The following SNX29 variants were observed in gnomAD, a reference collection of about 807,000 sequenced individuals.
SNX29 encodes sorting nexin 29, also known as sorting nexin-29.
In SNX29, 78 loss-of-function variants were observed where a neutral mutation model predicts 102.1. The ratio of observed to expected loss-of-function variants is 0.76; its 90% CI spans 0.64 to 0.92. The LOEUF is 0.92. Ranked by LOEUF, SNX29 falls within the 40% of genes least tolerant of loss-of-function variation. The pLI, the probability that SNX29 is intolerant of heterozygous loss-of-function variation, is 0.00. For synonymous variants in SNX29, 580 were observed against 414.5 expected (o/e 1.40, Z -4.85); for missense variants, 1,280 against 1,061.7 (o/e 1.21, Z -2.86).
intron 19 of SNX29, among the ~76,000 whole-genome samples, chr16:12,494,826 T>C (rs2088732849): frequency 6.6e-6 from 1 of 152,248 alleles, no homozygotes; most frequent in African/African-American, 2.4e-5. Flanking sequence ...AGCTCTCCGC[T>C]GTGAGCTGGG....
At chr16:12,178,422 G>A (rs922829041) in intron 13 of SNX29, among the ~76,000 whole-genome samples, 2 of 152,152 alleles carry the variant, frequency 1.3e-5, no homozygotes, top group African/African-American at 4.8e-5. Flanking sequence ...CTGTTCCATG[G>A]AATGCAACCC....
At chr16:12,187,814 T>G (rs754427577) in intron 13 of SNX29, among the ~76,000 whole-genome samples, 49 of 152,264 alleles carry the variant, frequency 3.2e-4, no homozygotes, top group East Asian at 1.5e-3. Flanking sequence ...CCACACTGGC[T>G]TCCATGGAAG....
chr16:12,406,247 G>C (rs994766606), intron 18 of SNX29, among the ~76,000 whole-genome samples: 2 of 152,176 alleles, frequency 1.3e-5, no homozygotes, highest in African/African-American at 4.8e-5. Flanking sequence ...AATTTCCTGT[G>C]GGCTTCCTGG....
At chr16:12,395,067 C>T (rs866969996) in intron 16 of SNX29, among the ~76,000 whole-genome samples, 56 of 152,238 alleles carry the variant, frequency 3.7e-4, no homozygotes, top group African/African-American at 1.0e-3. Context: ...TTTTCTTCTA[C>T]GGCTTTGGCA....
chr16:12,000,122 A>G (rs966573048), intron 2 of SNX29, among the ~76,000 whole-genome samples: 2 of 151,992 alleles, frequency 1.3e-5, no homozygotes, highest in Admixed American at 1.3e-4. Flanking sequence ...GCTGTGATTG[A>G]TGTGATGCTG....
chr16:12,147,671 C>A (rs952167339), intron 13 of SNX29, among the ~76,000 whole-genome samples: 2 of 152,214 alleles, frequency 1.3e-5, no homozygotes, highest in East Asian at 1.9e-4. Flanking sequence ...CTCAGTTTAA[C>A]CCCCTTGACT....
chr16:12,332,159 C>G (rs2081308773), intron 15 of SNX29, among the ~76,000 whole-genome samples: 1 of 152,114 alleles, frequency 6.6e-6, no homozygotes, highest in Non-Finnish European at 1.5e-5. Context: ...TATCCTCATC[C>G]TAGAAGAAAA....
chr16:12,114,267 C>T (rs773144727), intron 11 of SNX29, among the ~76,000 whole-genome samples: 11 of 152,208 alleles, frequency 7.2e-5, no homozygotes, highest in South Asian at 4.1e-4. Context: ...TGCAAGTAGG[C>T]GTCCCTGGAT....
At chr16:12,311,124 GA>G (rs1225273815) in intron 15 of SNX29, among the ~76,000 whole-genome samples, 2 of 152,216 alleles carry the variant, frequency 1.3e-5, no homozygotes, top group Admixed American at 6.5e-5. Context: ...CGATAGGGCA[GA>G]GCTGCATTGC....
At chr16:12,334,341 G>T (rs1447534013) in intron 15 of SNX29, among the ~76,000 whole-genome samples, 1 of 152,100 alleles carries the variant, frequency 6.6e-6, no homozygotes, top group Non-Finnish European at 1.5e-5. Context: ...TGAGGTCTGG[G>T]GCTTCGCTTT....
At chr16:12,310,775 G>C (rs1223103608) in intron 15 of SNX29, among the ~76,000 whole-genome samples, 2 of 152,218 alleles carry the variant, frequency 1.3e-5, no homozygotes, top group South Asian at 2.1e-4. Flanking sequence ...GCACTCTGCT[G>C]TCTGCTGGTT....
At chr16:12,133,348 T>G (rs1282967138) in intron 13 of SNX29, among the ~76,000 whole-genome samples, 1 of 143,364 alleles carries the variant, frequency 7.0e-6, no homozygotes, top group Non-Finnish European at 1.5e-5. Flanking sequence ...TGGAGTGCAG[T>G]GATGCGATCT....
intron 14 of SNX29, among the ~76,000 whole-genome samples, chr16:12,237,866 C>T (rs1007947447): frequency 6.6e-6 from 1 of 152,156 alleles, no homozygotes; most frequent in Non-Finnish European, 1.5e-5. Context: ...TGAGATCATG[C>T]CACTGCACTC....
At chr16:12,419,227 G>C (rs570213357) in intron 18 of SNX29, among the ~76,000 whole-genome samples, 58 of 152,150 alleles carry the variant, frequency 3.8e-4, no homozygotes, top group Non-Finnish European at 7.3e-4. Flanking sequence ...CCGAGGGCTG[G>C]TGGTAGGGGT....
chr16:12,460,401 T>C lies in SNX29; in HGVS notation c.2038-17318T>C, dbSNP rs1263652314. 2.0e-5 allele frequency among the ~76,000 whole-genome samples: 3 copies of C among 152,230 alleles called. No individual in the cohort carries two copies. The East Asian group carries it at 5.8e-4, about 29-fold the overall frequency. On this transcript the variant is annotated intron_variant, in intron 18 of 20. Coordinates refer to ENST00000566228, the MANE Select transcript of SNX29 (RefSeq NM_032167.5). ...ATTTCCTATTGTCAAGAACATTTTA[T>C]TTGGAAAGGTCTTAGTGTAACCAAA...
intron 19 of SNX29, among the ~76,000 whole-genome samples, chr16:12,515,248 C>T (rs1045998055): frequency 1.3e-5 from 2 of 152,098 alleles, no homozygotes; most frequent in African/African-American, 2.4e-5. Flanking sequence ...TTGTAATGAT[C>T]GCTTTGCATG....
intron 20 of SNX29, among the ~76,000 whole-genome samples, chr16:12,550,530 AC>A (rs1401476751): frequency 7.1e-5 from 8 of 112,828 alleles, no homozygotes; most frequent in Non-Finnish European, 1.0e-4. Flanking sequence ...GTCTCAATCT[AC>A]AAAAAAAAAA....
chr16:12,068,944 T>A, intron 9 of SNX29, 113 bp from the exon 10 acceptor site: 1 of 967,640 alleles, frequency 1.0e-6, no homozygotes, highest in Non-Finnish European at 1.6e-6. Flanking sequence ...TGGAGAAAAA[T>A]TTCTTAGTCA....
intron 20 of SNX29, among the ~76,000 whole-genome samples, chr16:12,566,995 G>C (rs1243088330): frequency 1.3e-5 from 2 of 152,222 alleles, no homozygotes; most frequent in Admixed American, 6.5e-5. Context: ...CCCTGGAAAG[G>C]TGCAACGCAA....
Sources: allele counts gnomAD v4.1 joint callset (sites outside exome capture counted in the v4.1 genomes callset), GRCh38; gene constraint gnomAD v4.1.1; transcripts MANE v1.5; gene names NCBI Gene and HGNC (gene_info 2026-07-23, HGNC 2026-07-21).